MANBA: variants seen among roughly 807,000 people sequenced by gnomAD.
The protein encoded by MANBA is mannosidase beta, also known as beta-mannosidase.
In MANBA, 83 loss-of-function variants were observed where a neutral mutation model predicts 111.1. The observed-to-expected ratio is 0.75, with a 90% CI of 0.63 to 0.90. The LOEUF (loss-of-function observed/expected upper bound fraction) is 0.90, where lower values mean the gene tolerates loss of function less well. Among genes scored for constraint, MANBA ranks in the 40% least tolerant of loss-of-function variants. MANBA has a pLI of 0.00. For missense variants in MANBA, 1,036 were observed against 1,069.0 expected (o/e 0.97, Z 0.43); for synonymous variants, 370 against 378.7 (o/e 0.98, Z 0.27).
intron 13 of MANBA, among the ~76,000 whole-genome samples, chr4:102,640,638 G>C (rs1463257655): frequency 6.6e-6 from 1 of 152,214 alleles, no homozygotes. Context: ...AGAACCCAGA[G>C]ATGGTCAGAG....
At position 102,632,508 on chromosome 4, in the gene MANBA, G is replaced by A. The variant is rs735404; in HGVS notation, c.2416-227C>T. Among the ~76,000 whole-genome samples, 83,831 of 152,084 alleles carry A rather than the reference G, an allele frequency of 0.55. 23,546 individuals are homozygous for A. Among genetic ancestry groups the A allele is most frequent in the African/African-American group, 0.63 (26,210 of 41,486 alleles). ...TAATCACAAATCAAGGAAATACATC[G>A]TCTCCAATCATTAAGGAGAATATTT... On this transcript the variant is annotated intron_variant, in intron 16 of 16. Transcript: ENST00000647097.
At chr4:102,673,222 A>G (rs1731571081) in intron 8 of MANBA, among the ~76,000 whole-genome samples, 1 of 152,186 alleles carries the variant, frequency 6.6e-6, no homozygotes, top group Admixed American at 6.5e-5. Flanking sequence ...AAAGGTAAAT[A>G]TGGGGTTGGC....
In MANBA at chr4:102,744,167, G is replaced by A. The variant is rs72937844; in HGVS notation, c.177+16551C>T. ...CAAAATCCAAATAGGCCCACAGGAC[G>A]TTGTGCCTCTTTCTTGGTTGTAGAA... On this transcript the variant is annotated intron_variant, in intron 1 of 16. Transcript: ENST00000647097. 8.5e-3 allele frequency among the ~76,000 whole-genome samples: 1,295 copies of A among 152,294 alleles called. 25 individuals carry two copies. The highest frequency in any genetic ancestry group is 0.029 in the African/African-American group (1,225 of 41,552).
intron 1 of MANBA, among the ~76,000 whole-genome samples, chr4:102,740,717 T>C (rs748330942): frequency 1.1e-4 from 17 of 151,952 alleles, no homozygotes; most frequent in Non-Finnish European, 2.9e-5. Context: ...ATTCAACAAA[T>C]GATGCTGGGA....
intron 1 of MANBA, among the ~76,000 whole-genome samples, chr4:102,752,900 GTTAA>G (rs1723864143): frequency 6.6e-6 from 1 of 152,120 alleles, no homozygotes; most frequent in Non-Finnish European, 1.5e-5. Flanking sequence ...ACAGTTTATA[GTTAA>G]TTAACTTACA....
intron 5 of MANBA, among the ~76,000 whole-genome samples, chr4:102,696,013 A>G (rs1385735503): frequency 1.3e-5 from 2 of 152,140 alleles, no homozygotes; most frequent in Non-Finnish European, 1.5e-5. Flanking sequence ...GGATCTCTTG[A>G]GCCCAGGTGT....
intron 1 of MANBA, among the ~76,000 whole-genome samples, chr4:102,747,157 G>GCA (rs1187231368): frequency 2.8e-5 from 4 of 144,888 alleles, no homozygotes; most frequent in African/African-American, 1.1e-4. Flanking sequence ...AGAACTAATG[G>GCA]GATATATATA....
At chr4:102,633,185 T>A in intron 16 of MANBA, 1 of 389,816 alleles carries the variant, frequency 2.6e-6, no homozygotes, top group Non-Finnish European at 4.5e-6. Flanking sequence ...TAATAAAGCG[T>A]ATCAGGTTGC....
In MANBA at chr4:102,671,116, G is replaced by GCT. The variant is rs10684965; in HGVS notation, c.1230+164_1230+165insAG. 0.025 allele frequency: 14,096 copies of GCT among 574,698 alleles called. 1,291 individuals are homozygous for GCT. Among genetic ancestry groups the GCT allele is most frequent in the African/African-American group, 0.21 (11,331 of 52,912 alleles). 35.6% of individuals were successfully genotyped at this position (574,698 alleles called of 1,614,324 possible). On this transcript the variant is annotated intron_variant, in intron 9 of 16. Transcript: ENST00000647097. ...TTAAAAATAAATAATTATGGTAGTT[G>GCT]ATCACCTATGGCTCTTGGTTTACAA... is the stretch of plus-strand genomic sequence containing the variant.
Position 102,639,841 on chromosome 4 carries a change from C to T in MANBA, c.1886G>A (p.Cys629Tyr). 1 of 1,614,120 alleles carries T rather than the reference C, an allele frequency of 6.2e-7. No homozygotes were observed. Among genetic ancestry groups the T allele is most frequent in the African/African-American group, 1.3e-5 (1 of 75,044 alleles). The stretch of plus-strand genomic sequence containing the variant: ...GTAGAATTCAGTTTCTGTTTTGACA[C>T]ACTGGGCCTGCATCACCTGATTCAG... ...IYLTQVMQAQ[C>Y]VKTETEFYRR... Residue 629 changes from cysteine to tyrosine, a missense_variant, in exon 14 of 17, where the codon TGT (cysteine) becomes TAT (tyrosine). Coordinates refer to ENST00000647097, the MANE Select transcript of MANBA (RefSeq NM_005908.4).
chr4:102,685,942 CTGAAG>C (rs1732190892), intron 7 of MANBA, among the ~76,000 whole-genome samples: 1 of 151,856 alleles, frequency 6.6e-6, no homozygotes, highest in Admixed American at 6.6e-5. Context: ...AGACTGAAGA[CTGAAG>C]GCCCTTGTGT....
intron 7 of MANBA, among the ~76,000 whole-genome samples, chr4:102,685,054 G>C (rs1042473657): frequency 3.3e-5 from 5 of 152,080 alleles, no homozygotes; most frequent in African/African-American, 1.2e-4. Context: ...ATGGTTCCAT[G>C]TACATAAAAT....
intron 7 of MANBA, among the ~76,000 whole-genome samples, chr4:102,676,093 T>C (rs1344442552): frequency 6.6e-6 from 1 of 152,222 alleles, no homozygotes; most frequent in East Asian, 1.9e-4. Flanking sequence ...GGGAAGAATC[T>C]ACTCTAAACA....
intron 4 of MANBA, among the ~76,000 whole-genome samples, chr4:102,718,493 G>A (rs1722433484): frequency 6.6e-6 from 1 of 152,162 alleles, no homozygotes; most frequent in Non-Finnish European, 1.5e-5. Flanking sequence ...ACAAGGATGT[G>A]GATAAAGAGA....
At chr4:102,721,144 C>T (rs909088875) in intron 4 of MANBA, among the ~76,000 whole-genome samples, 2 of 152,010 alleles carry the variant, frequency 1.3e-5, no homozygotes, top group Admixed American at 6.5e-5. Context: ...GCCAACATGG[C>T]GAAACTCCGT....
In MANBA at chr4:102,700,737, T is replaced by C. The variant is rs1330673935; in HGVS notation, c.674-9966A>G. Among the ~76,000 whole-genome samples, 4 of 152,224 alleles carry C rather than the reference T, an allele frequency of 2.6e-5. No homozygotes were observed. The East Asian group carries it at 7.7e-4, about 29-fold the overall frequency. On this transcript the variant is annotated intron_variant, in intron 5 of 16. Coordinates refer to ENST00000647097, the MANE Select transcript of MANBA (RefSeq NM_005908.4). ...TGGTCTGAGAGATAGTTTGTTATAA[T>C]TTATGTTCTTCTACATTTGCTGAGG... is the stretch of plus-strand genomic sequence containing the variant.
intron 2 of MANBA, among the ~76,000 whole-genome samples, chr4:102,724,542 C>CAAAA (rs11454438): frequency 8.2e-6 from 1 of 122,220 alleles, no homozygotes. Flanking sequence ...GATTCCGTCT[C>CAAAA]AAAAAAAAAA....
chr4:102,740,097 T>C (rs1246366578), intron 1 of MANBA, among the ~76,000 whole-genome samples: 1 of 152,188 alleles, frequency 6.6e-6, no homozygotes. Context: ...AGCAAAGTTT[T>C]GGGATACCAA....
At chr4:102,728,672 A>C (rs1722905121) in intron 1 of MANBA, 2 of 572,916 alleles carry the variant, frequency 3.5e-6, no homozygotes, top group Non-Finnish European at 6.2e-6. Context: ...GGTGGGTCTC[A>C]CGTTCCCTGT....
Sources: gnomAD v4.1 joint callset for allele counts (sites outside exome capture counted in the v4.1 genomes callset) on GRCh38, gnomAD v4.1.1 for gene constraint, MANE v1.5 for transcripts, NCBI Gene and HGNC (gene_info 2026-07-23, HGNC 2026-07-21) for gene names.